MICAL2: variants seen among roughly 807,000 people sequenced by gnomAD.
MICAL2 encodes [F-actin]-monooxygenase MICAL2.
Under a neutral mutation model 127.3 loss-of-function variants are expected in MICAL2, and 77 were observed. The ratio of observed to expected loss-of-function variants is 0.60; its 90% CI spans 0.50 to 0.73. MICAL2 has a LOEUF of 0.73. Ranked by LOEUF, MICAL2 falls within the 30% of genes least tolerant of loss-of-function variation. MICAL2 has a pLI of 0.00. For missense variants in MICAL2, 1,351 were observed against 1,434.4 expected (o/e 0.94, Z 0.94); for synonymous variants, 570 against 551.1 (o/e 1.03, Z -0.48).
chr11:12,243,923 G>T, intron 20 of MICAL2, 64 bp from the exon 21 acceptor site: 1 of 1,583,142 alleles, frequency 6.3e-7, no homozygotes, highest in South Asian at 1.1e-5. Context: ...GCATGATTGA[G>T]GCATGTATCA....
At chr11:12,325,474 C>T (rs558569406) in intron 31 of MICAL2, among the ~76,000 whole-genome samples, 11 of 152,234 alleles carry the variant, frequency 7.2e-5, no homozygotes, top group South Asian at 4.2e-4. Context: ...CAAAGTACCA[C>T]GGACCGGATG....
At chr11:12,177,525 C>T (rs1022277737) in intron 3 of MICAL2, among the ~76,000 whole-genome samples, 1 of 152,112 alleles carries the variant, frequency 6.6e-6, no homozygotes, top group African/African-American at 2.4e-5. Context: ...GTCTATTTTT[C>T]CATTTGTTTC....
At chr11:12,197,767 T>A (rs1455904596) in intron 3 of MICAL2, 4 of 152,168 alleles carry the variant, frequency 2.6e-5, no homozygotes, top group African/African-American at 7.2e-5. Flanking sequence ...AATAAAACTG[T>A]CCCTGAAAAT....
chr11:12,140,513 T>C (rs975355049), intron 2 of MICAL2, among the ~76,000 whole-genome samples: 1 of 151,832 alleles, frequency 6.6e-6, no homozygotes, highest in African/African-American at 2.4e-5. Flanking sequence ...TTTTTTTTTT[T>C]TTGGCCACTC....
chr11:12,334,427 A>G (rs576975586), intron 32 of MICAL2, among the ~76,000 whole-genome samples: 2 of 152,174 alleles, frequency 1.3e-5, no homozygotes, highest in East Asian at 3.9e-4. Flanking sequence ...TTTTTTATCC[A>G]GAATATTTTC....
intron 18 of MICAL2, 60 bp downstream of exon 18, chr11:12,241,222 G>A (rs1859898436): frequency 6.4e-7 from 1 of 1,567,498 alleles, no homozygotes; most frequent in Non-Finnish European, 8.7e-7. Flanking sequence ...TGATCCAGAT[G>A]GGTGGGGTCA....
downstream of MICAL2, chr11:12,293,587 A>C: frequency 2.5e-6 from 4 of 1,613,208 alleles, no homozygotes; most frequent in Non-Finnish European, 3.4e-6. Context: ...CCCTCTCGCA[A>C]GTCTCGAGAG....
rs1233410870 is a variant in MICAL2 at position 12,259,895 on chromosome 11, C to T, written c.3332C>T (p.Pro1111Leu). The change falls in exon 26 of 28, where the codon CCA (proline) becomes CTA (leucine). Residue 1111 changes from proline (P) to leucine (L), a missense_variant and splice_region_variant. Physicochemically the swap from Pro to Leu is moderately conservative, Grantham distance 98 (BLOSUM62 -3). Transcript: ENST00000683283. ...AAIGTLEGSP[P>L]VHFSLPVLHP... The stretch of plus-strand genomic sequence containing the variant: ...ATTGGCACCCTGGAAGGCAGCCCCC[C>T]AGGTATCTCCACCTCCTTCTTTAGG... 1 of 1,613,182 alleles carries T rather than the reference C, an allele frequency of 6.2e-7. No individual in the cohort carries two copies. The highest frequency in any genetic ancestry group is 8.5e-7 in the Non-Finnish European group (1 of 1,179,456).
At chr11:12,308,224 A>G (rs1411954317) in intron 29 of MICAL2, 1 of 152,122 alleles carries the variant, frequency 6.6e-6, no homozygotes, top group Non-Finnish European at 1.5e-5. Context: ...GGAAAGTCTT[A>G]CAACTTTGTT....
At chr11:12,347,960 C>G (rs1407110366) in intron 32 of MICAL2, among the ~76,000 whole-genome samples, 1 of 152,040 alleles carries the variant, frequency 6.6e-6, no homozygotes, top group East Asian at 1.9e-4. Flanking sequence ...TCGAGACCAT[C>G]CTGGCCAACG....
chr11:12,132,045 T>C (rs944328221), intron 1 of MICAL2, among the ~76,000 whole-genome samples: 3 of 152,138 alleles, frequency 2.0e-5, no homozygotes, highest in African/African-American at 4.8e-5. Flanking sequence ...TGAAATGACT[T>C]GCTTGAGGTC....
intron 15 of MICAL2, among the ~76,000 whole-genome samples, chr11:12,232,637 A>T (rs374265747): frequency 2.0e-5 from 3 of 152,138 alleles, no homozygotes; most frequent in East Asian, 3.9e-4. Context: ...CATGAGAATC[A>T]CTTTAACCTG....
chr11:12,262,146 G>T, intron 26 of MICAL2: 1 of 1,190,970 alleles, frequency 8.4e-7, no homozygotes, highest in Non-Finnish European at 1.0e-6. Context: ...GACACCCAGG[G>T]GTGGACCCCC....
chr11:12,115,841 A>G (rs1389286653), intron 1 of MICAL2, among the ~76,000 whole-genome samples: 1 of 152,218 alleles, frequency 6.6e-6, no homozygotes, highest in East Asian at 1.9e-4. Flanking sequence ...ACAGAATTAT[A>G]CGTGTATTTG....
rs1054561538 is a variant in MICAL2, at chr11:12,124,858, A to G, written c.-148-13532A>G. On this transcript the variant is annotated intron_variant, in intron 1 of 27. Coordinates refer to ENST00000683283, the MANE Select transcript of MICAL2 (RefSeq NM_001282663.2). ...AGTCTGTGTTCTTTGAGTCTCCAGCACCAACTTCCCCTTCTTGGTCTTTTG... is the reference window on the plus strand; with the variant it reads ...AGTCTGTGTTCTTTGAGTCTCCAGCGCCAACTTCCCCTTCTTGGTCTTTTG... Among the ~76,000 whole-genome samples, 4 of 152,218 alleles carry G rather than the reference A, an allele frequency of 2.6e-5. No homozygotes were observed. The East Asian group carries it at 7.7e-4, about 29-fold the overall frequency.
chr11:12,113,050 G>C (rs75584845), intron 1 of MICAL2, among the ~76,000 whole-genome samples: 2,548 of 152,084 alleles, frequency 0.017, 102 homozygotes, highest in African/African-American at 0.058. Flanking sequence ...ACGTGGTAAG[G>C]GTAAAAGAAT....
At chr11:12,208,223 G>A in intron 5 of MICAL2, 84 bp downstream of exon 5, 1 of 1,116,890 alleles carries the variant, frequency 9.0e-7, no homozygotes, top group Non-Finnish European at 1.3e-6. Flanking sequence ...GGGTGTTTCT[G>A]TAGGAGTTAT....
At chr11:12,173,728 C>T (rs80350848) in intron 3 of MICAL2, among the ~76,000 whole-genome samples, 5,462 of 152,196 alleles carry the variant, frequency 0.036, 232 homozygotes, top group African/African-American at 0.1. Flanking sequence ...CCCTGCTACC[C>T]TCTCATCTTT....
chr11:12,149,665 C>G (rs184722026), intron 2 of MICAL2, among the ~76,000 whole-genome samples: 1 of 152,132 alleles, frequency 6.6e-6, no homozygotes, highest in Non-Finnish European at 1.5e-5. Flanking sequence ...TGCAGAGTCA[C>G]GATGGTGCTG....
Sources: allele counts gnomAD v4.1 joint callset (sites outside exome capture counted in the v4.1 genomes callset), GRCh38; gene constraint gnomAD v4.1.1; transcripts MANE v1.5; gene names NCBI Gene and HGNC (gene_info 2026-07-23, HGNC 2026-07-21).